Variants in RFX3 observed in about 807,000 individuals in gnomAD.
The protein encoded by RFX3 is regulatory factor X3.
In RFX3, 14 loss-of-function variants were observed where a neutral mutation model predicts 98.6. The ratio of observed to expected loss-of-function variants is 0.14; its 90% confidence interval spans 0.09 to 0.22. The LOEUF is 0.22. Among genes scored for constraint, RFX3 ranks in the 10% least tolerant of loss-of-function variants. The probability of loss-of-function intolerance (pLI) is 1.00; values close to 1 mark genes in which losing one functional copy is unlikely to be tolerated. For missense variants in RFX3, 639 were observed against 926.9 expected, an observed-to-expected ratio of 0.69 and a Z score of 4.03; for synonymous variants, 383 against 328.4, an observed-to-expected ratio of 1.17 and a Z score of -1.80.
At chr9:3,391,807 T>A (rs1406397414) in intron 2 of RFX3, among the ~76,000 whole-genome samples, 1 of 152,188 alleles carries the variant, frequency 6.6e-6, no homozygotes, top group Admixed American at 6.6e-5. Context: ...GCAATCAGGT[T>A]CCCTCTACCA....
intron 3 of RFX3, among the ~76,000 whole-genome samples, chr9:3,332,873 C>G (rs1447971812): frequency 2.0e-5 from 3 of 152,058 alleles, no homozygotes; most frequent in African/African-American, 4.8e-5. Flanking sequence ...ACCTCCCTGC[C>G]TTTGTCCTAA....
At chr9:3,230,252 A>T (rs1818289806) in intron 15 of RFX3, among the ~76,000 whole-genome samples, 1 of 152,192 alleles carries the variant, frequency 6.6e-6, no homozygotes, top group Non-Finnish European at 1.5e-5. Context: ...ACTGGAACAA[A>T]TGTGTAGCCT....
At chr9:3,278,441 CT>C (rs966770766) in intron 7 of RFX3, among the ~76,000 whole-genome samples, 5 of 151,666 alleles carry the variant, frequency 3.3e-5, no homozygotes, top group African/African-American at 9.7e-5. Flanking sequence ...GCCTCCCATT[CT>C]TTTTTTTCCC....
intron 1 of RFX3, among the ~76,000 whole-genome samples, chr9:3,519,027 A>G (rs941032920): frequency 2.0e-5 from 3 of 152,370 alleles, no homozygotes; most frequent in South Asian, 2.1e-4. Context: ...CATTCAGTAT[A>G]AAGTTTATAA....
At chr9:3,499,344 C>CA (rs532825739) in intron 1 of RFX3, among the ~76,000 whole-genome samples, 1 of 151,810 alleles carries the variant, frequency 6.6e-6, no homozygotes, top group South Asian at 2.1e-4. Context: ...ACCATTCCCC[C>CA]AAAAAAATTA....
chr9:3,423,107 T>C (rs770129915), intron 1 of RFX3, among the ~76,000 whole-genome samples: 8 of 152,198 alleles, frequency 5.3e-5, no homozygotes, highest in African/African-American at 9.6e-5. Flanking sequence ...AATTTAACAC[T>C]ATCCAAACAT....
chr9:3,481,990 T>C (rs755685017), intron 1 of RFX3, among the ~76,000 whole-genome samples: 29 of 152,058 alleles, frequency 1.9e-4, no homozygotes, highest in Non-Finnish European at 3.5e-4. Context: ...TGATAATTGA[T>C]AAAAATATTC....
chr9:3,505,240 TTA>T (rs1211501193), intron 1 of RFX3, among the ~76,000 whole-genome samples: 68 of 84,156 alleles, frequency 8.1e-4, no homozygotes, highest in East Asian at 5.4e-3. Flanking sequence ...GAATATATAT[TTA>T]TATATATATG....
intron 1 of RFX3, among the ~76,000 whole-genome samples, chr9:3,416,569 T>G (rs149168285): frequency 3.9e-5 from 6 of 152,340 alleles, no homozygotes; most frequent in African/African-American, 1.4e-4. Flanking sequence ...ACACCCAATA[T>G]GATTCCAGTA....
At chr9:3,472,909 A>G (rs1193456026) in intron 1 of RFX3, among the ~76,000 whole-genome samples, 3 of 152,218 alleles carry the variant, frequency 2.0e-5, no homozygotes, top group Non-Finnish European at 4.4e-5. Context: ...TGATCCAACT[A>G]CTGCAGTAAC....
intron 7 of RFX3, 32 bp downstream of exon 7, chr9:3,288,099 T>C: frequency 3.1e-6 from 5 of 1,610,750 alleles, no homozygotes; most frequent in Non-Finnish European, 4.2e-6. Flanking sequence ...AATACATAGC[T>C]TGGACACATC....
At chr9:3,356,365 A>G (rs746132342) in intron 2 of RFX3, among the ~76,000 whole-genome samples, 1 of 151,952 alleles carries the variant, frequency 6.6e-6, no homozygotes, top group South Asian at 2.1e-4. Flanking sequence ...AGGTAATAAT[A>G]AAGACAACGT....
At chr9:3,440,430 T>C (rs956244981) in intron 1 of RFX3, among the ~76,000 whole-genome samples, 6 of 152,110 alleles carry the variant, frequency 3.9e-5, no homozygotes, top group African/African-American at 1.4e-4. Flanking sequence ...ATCCATTGTA[T>C]ATCATCTACT....
At chr9:3,405,160 C>T (rs545334805) in intron 1 of RFX3, among the ~76,000 whole-genome samples, 2 of 152,182 alleles carry the variant, frequency 1.3e-5, no homozygotes, top group South Asian at 4.1e-4. Context: ...TCTGGCCAAT[C>T]TTTCTGTTTG....
chr9:3,452,360 G>A (rs773028049), intron 1 of RFX3: 13 of 329,512 alleles, frequency 3.9e-5, no homozygotes, highest in South Asian at 2.1e-4. Flanking sequence ...GGAGGCCAAG[G>A]CAGGAGAACT....
intron 15 of RFX3, among the ~76,000 whole-genome samples, chr9:3,240,474 T>C (rs1439752233): frequency 2.0e-5 from 3 of 152,210 alleles, no homozygotes; most frequent in Non-Finnish European, 4.4e-5. Flanking sequence ...ATACCACTTC[T>C]CTTTTCTGGA....
chr9:3,272,255 C>T (rs1484755266), intron 9 of RFX3, among the ~76,000 whole-genome samples: 3 of 152,000 alleles, frequency 2.0e-5, no homozygotes, highest in Non-Finnish European at 4.4e-5. Flanking sequence ...ACCTTTGAGG[C>T]AAAGGTAAAA....
chr9:3,380,364 T>G (rs982140936), intron 2 of RFX3, among the ~76,000 whole-genome samples: 2 of 152,190 alleles, frequency 1.3e-5, no homozygotes, highest in Non-Finnish European at 2.9e-5. Flanking sequence ...CCACATCCCC[T>G]ATGTATACCT....
At chr9:3,474,442 T>C (rs1849046665) in intron 1 of RFX3, among the ~76,000 whole-genome samples, 1 of 152,186 alleles carries the variant, frequency 6.6e-6, no homozygotes, top group South Asian at 2.1e-4. Context: ...AAAGTTCCTT[T>C]ACCTACACCA....
Sources: gnomAD v4.1 joint callset for allele counts (sites outside exome capture counted in the v4.1 genomes callset) on GRCh38, gnomAD v4.1.1 for gene constraint, MANE v1.5 for transcripts, NCBI Gene and HGNC (gene_info 2026-07-23, HGNC 2026-07-21) for gene names.